Variants in NTN1 observed in about 807,000 individuals in gnomAD.
NTN1 encodes the protein netrin 1.
A neutral mutation model predicts 54.2 loss-of-function variants in NTN1; 11 were observed. That is an observed-to-expected ratio of 0.20 (90% CI 0.13 to 0.34). The LOEUF (loss-of-function observed/expected upper bound fraction) is 0.34, where lower values mean the gene tolerates loss of function less well. NTN1 is among the 10% of genes least tolerant of loss of function. The probability of loss-of-function intolerance (pLI) is 1.00; values close to 1 mark genes in which losing one functional copy is unlikely to be tolerated. For synonymous variants in NTN1, 371 were observed against 382.0 expected (o/e 0.97, Z 0.33); for missense variants, 740 against 893.1 (o/e 0.83, Z 2.18).
chr17:9,085,278 C>A (rs552903559), intron 2 of NTN1, among the ~76,000 whole-genome samples: 1 of 152,334 alleles, frequency 6.6e-6, no homozygotes, highest in African/African-American at 2.4e-5. Flanking sequence ...GGGGGGCTAT[C>A]CTCAGCTTCC....
intron 2 of NTN1, among the ~76,000 whole-genome samples, chr17:9,127,907 G>A (rs1190769314): frequency 1.3e-5 from 2 of 151,452 alleles, no homozygotes; most frequent in African/African-American, 4.9e-5. Context: ...ACCTGAGGTC[G>A]GGAGTTCGAG....
At chr17:9,114,713 C>T (rs531885457) in intron 2 of NTN1, among the ~76,000 whole-genome samples, 150 of 152,244 alleles carry the variant, frequency 9.9e-4, no homozygotes, top group South Asian at 3.9e-3. Flanking sequence ...GAGATTGTGC[C>T]GCTGCACTCC....
intron 2 of NTN1, among the ~76,000 whole-genome samples, chr17:9,100,831 T>C (rs2092148367): frequency 6.6e-6 from 1 of 152,190 alleles, no homozygotes; most frequent in African/African-American, 2.4e-5. Context: ...TTAGTATCTT[T>C]CTTCATGGGG....
At chr17:9,235,683 G>A (rs1905960887) in intron 6 of NTN1, among the ~76,000 whole-genome samples, 1 of 151,778 alleles carries the variant, frequency 6.6e-6, no homozygotes, top group Admixed American at 6.6e-5. Context: ...TTCTTGCTGT[G>A]TCCTCACACA....
intron 2 of NTN1, among the ~76,000 whole-genome samples, chr17:9,158,988 G>A (rs574526238): frequency 3.3e-5 from 5 of 152,202 alleles, no homozygotes; most frequent in African/African-American, 4.8e-5. Context: ...TGACTAATGG[G>A]TGAGTGACTT....
chr17:9,185,918 G>GTC (rs921492814), intron 5 of NTN1, among the ~76,000 whole-genome samples: 1 of 152,196 alleles, frequency 6.6e-6, no homozygotes, highest in African/African-American at 2.4e-5. Context: ...ATGCAATGGC[G>GTC]TCTCCTTTCT....
intron 2 of NTN1, among the ~76,000 whole-genome samples, chr17:9,158,887 T>C (rs1299291345): frequency 6.6e-6 from 1 of 152,242 alleles, no homozygotes; most frequent in Non-Finnish European, 1.5e-5. Context: ...GGCTTCTGGC[T>C]GCTTTCAGAC....
At chr17:9,120,047 G>A (rs1209081307) in intron 2 of NTN1, among the ~76,000 whole-genome samples, 1 of 152,120 alleles carries the variant, frequency 6.6e-6, no homozygotes, top group Non-Finnish European at 1.5e-5. Flanking sequence ...TTGGGAGACC[G>A]AGGCGGGTGG....
chr17:9,199,769 G>A (rs1904731865), intron 5 of NTN1, among the ~76,000 whole-genome samples: 1 of 152,376 alleles, frequency 6.6e-6, no homozygotes, highest in South Asian at 2.1e-4. Context: ...GAATGGAGTA[G>A]TGTTTGGTAA....
At chr17:9,059,979 G>A (rs1046520511) in intron 2 of NTN1, among the ~76,000 whole-genome samples, 8 of 152,132 alleles carry the variant, frequency 5.3e-5, no homozygotes, top group Non-Finnish European at 8.8e-5. Flanking sequence ...GCACCTGTCG[G>A]AAGAAACTGC....
At chr17:9,149,258 C>CT (rs983359637) in intron 2 of NTN1, among the ~76,000 whole-genome samples, 1 of 151,752 alleles carries the variant, frequency 6.6e-6, no homozygotes, top group South Asian at 2.1e-4. Flanking sequence ...AGGAACCCCC[C>CT]CCACACCCCC....
intron 2 of NTN1, among the ~76,000 whole-genome samples, chr17:9,030,088 G>A (rs192836195): frequency 6.2e-4 from 94 of 152,238 alleles, no homozygotes; most frequent in Middle Eastern, 3.4e-3. Flanking sequence ...ATTATTTTGT[G>A]CCAGTTCTCC....
chr17:9,005,830 G>T, the NTN1 span, among the ~76,000 whole-genome samples: 6 of 152,162 alleles, frequency 3.9e-5, no homozygotes, highest in Non-Finnish European at 8.8e-5. Context: ...AGAGTGCACC[G>T]CAGGCTGCCT....
intron 5 of NTN1, among the ~76,000 whole-genome samples, chr17:9,186,609 T>C (rs1277335007): frequency 6.6e-6 from 1 of 152,180 alleles, no homozygotes; most frequent in Non-Finnish European, 1.5e-5. Flanking sequence ...AGGGCACCCT[T>C]GCACATTACC....
chr17:9,243,737 C>T lies in NTN1; in HGVS notation c.*3769C>T, dbSNP rs190607440. ...CCCTCCTGTGTTTTGGATTTCTGTT[C>T]ACTCAGAATTGTAAATGTTTAGTTG... On this transcript the variant is annotated 3_prime_UTR_variant, in exon 7 of 7. Transcript: ENST00000173229. 6.6e-6 allele frequency: 1 copy of T among 152,354 alleles called. No individual in the cohort carries two copies. The highest frequency in any genetic ancestry group is 1.9e-4 in the East Asian group (1 of 5,186). The allele number at this position is 152,354 out of a possible 1,614,324, so 9.4% of individuals were successfully genotyped here.
chr17:9,227,872 C>CCATCACACACA (rs1567745985), intron 6 of NTN1, among the ~76,000 whole-genome samples: 2 of 151,114 alleles, frequency 1.3e-5, no homozygotes, highest in Admixed American at 1.3e-4. Context: ...CATCACACAC[C>CCATCACACACA]CCATCACACA....
At chr17:9,015,588 C>T in the NTN1 span, among the ~76,000 whole-genome samples, 2 of 152,052 alleles carry the variant, frequency 1.3e-5, no homozygotes, top group Admixed American at 1.3e-4. Flanking sequence ...GTGTACCCTC[C>T]CCTGTATCCT....
chr17:9,225,263 A>AT (rs139835712), intron 6 of NTN1, among the ~76,000 whole-genome samples: 31,708 of 150,708 alleles, frequency 0.21, 3,567 homozygotes, highest in African/African-American at 0.24. Context: ...TCAAAAAAAA[A>AT]AATAAATAAA....
intron 6 of NTN1, among the ~76,000 whole-genome samples, chr17:9,236,218 C>T (rs945613582): frequency 1.3e-5 from 2 of 152,136 alleles, no homozygotes; most frequent in African/African-American, 4.8e-5. Flanking sequence ...GCCCATAGAC[C>T]ACTGTGCCAA....
Sources: allele counts gnomAD v4.1 joint callset (sites outside exome capture counted in the v4.1 genomes callset), GRCh38; gene constraint gnomAD v4.1.1; transcripts MANE v1.5; gene names NCBI Gene and HGNC (gene_info 2026-07-23, HGNC 2026-07-21).